The following VTI1A variants were observed in gnomAD, a reference collection of about 807,000 sequenced individuals.
VTI1A encodes vesicle transport through interaction with t-SNAREs homolog 1A.
In VTI1A, 22 loss-of-function variants were observed where a neutral mutation model predicts 34.9. That is an observed-to-expected ratio of 0.63 (90% CI 0.45 to 0.90). The LOEUF is 0.90. Among genes scored for constraint, VTI1A ranks in the 40% least tolerant of loss-of-function variants. VTI1A has a pLI of 0.00. For synonymous variants in VTI1A, 87 were observed against 97.3 expected (o/e 0.89, Z 0.62); for missense variants, 268 against 275.6 (o/e 0.97, Z 0.20).
intron 7 of VTI1A, among the ~76,000 whole-genome samples, chr10:112,773,704 G>T (rs1309009673): frequency 6.6e-6 from 1 of 152,306 alleles, no homozygotes; most frequent in South Asian, 2.1e-4. Context: ...TGCCCATCCG[G>T]TGCATCCTAA....
At chr10:112,490,206 T>C (rs1848771215) in intron 3 of VTI1A, among the ~76,000 whole-genome samples, 1 of 152,206 alleles carries the variant, frequency 6.6e-6, no homozygotes, top group Admixed American at 6.5e-5. Context: ...CTTTTTAAAA[T>C]AAATGTATTT....
Position 112,668,274 on chromosome 10 carries a change from C to T in VTI1A, c.484C>T (p.Arg162Ter), listed in dbSNP as rs531598422. Residue 162 changes from arginine to a stop codon, truncating the protein, a stop_gained, in exon 6 of 8, where the codon CGA becomes TGA. Coordinates refer to ENST00000393077, the MANE Select transcript of VTI1A (RefSeq NM_145206.4). LOFTEE classifies it high-confidence loss of function. ...TAGTCATGACAGAGAAAAGATACAG[C>T]GAGCACGTGAAAGAGTAAGTACAAT... The part of the protein sequence containing the change: ...NLSHDREKIQ[R>*]ARERLRETDA... 28 of 1,612,192 alleles carry T rather than the reference C, an allele frequency of 1.7e-5. No homozygotes were observed. Among genetic ancestry groups the T allele is most frequent in the East Asian group, 2.2e-5 (1 of 44,804 alleles).
At chr10:112,822,748 G>T (rs142366059), downstream of VTI1A, among the ~76,000 whole-genome samples, 5 of 152,170 alleles carry the variant, frequency 3.3e-5, no homozygotes, top group Non-Finnish European at 7.4e-5. Context: ...GCTTCACTGA[G>T]CTCATTATTA....
At chr10:112,491,273 T>C (rs1014933504) in intron 3 of VTI1A, among the ~76,000 whole-genome samples, 3 of 152,222 alleles carry the variant, frequency 2.0e-5, no homozygotes, top group Non-Finnish European at 4.4e-5. Context: ...TTAACAATCC[T>C]TGGAAAAGTG....
In VTI1A at chr10:112,620,422, C is replaced by T. The variant is rs180926976; in HGVS notation, c.428-47796C>T. 5.9e-5 allele frequency among the ~76,000 whole-genome samples: 9 copies of T among 152,180 alleles called. No homozygotes were observed. The South Asian group carries it at 8.3e-4, about 14-fold the overall frequency. On this transcript the variant is annotated intron_variant, in intron 5 of 7. Transcript: ENST00000393077. ...AACAGAGGTGGAAACTACTTATAGG[C>T]CTATAAGAGAGGAAGAAACAGATTC... is the stretch of plus-strand genomic sequence containing the variant.
At chr10:112,627,490 C>T (rs1456166540) in intron 5 of VTI1A, among the ~76,000 whole-genome samples, 2 of 152,038 alleles carry the variant, frequency 1.3e-5, no homozygotes. Flanking sequence ...ATAAAAGGAT[C>T]GTCCCCTTTA....
intron 5 of VTI1A, among the ~76,000 whole-genome samples, chr10:112,558,783 G>A (rs1329195513): frequency 1.3e-5 from 2 of 152,208 alleles, no homozygotes; most frequent in Non-Finnish European, 2.9e-5. Context: ...CATTGAAGCA[G>A]GCAACAAAGA....
the VTI1A span, among the ~76,000 whole-genome samples, chr10:112,843,879 C>T: frequency 6.6e-6 from 1 of 152,186 alleles, no homozygotes; most frequent in Non-Finnish European, 1.5e-5. Context: ...GAAGCCTTCC[C>T]CCACCCCATC....
chr10:112,637,942 CT>C (rs1846422614), intron 5 of VTI1A, among the ~76,000 whole-genome samples: 1 of 152,164 alleles, frequency 6.6e-6, no homozygotes. Flanking sequence ...ACACACAATG[CT>C]TTGGAATTAA....
At chr10:112,573,040 A>G (rs1199935701) in intron 5 of VTI1A, among the ~76,000 whole-genome samples, 1 of 151,650 alleles carries the variant, frequency 6.6e-6, no homozygotes, top group Non-Finnish European at 1.5e-5. Flanking sequence ...TTGTTACCCA[A>G]CTCCTGTAGT....
At chr10:112,740,985 GAATGAAGTAC>G (rs1850675345) in intron 7 of VTI1A, among the ~76,000 whole-genome samples, 1 of 152,212 alleles carries the variant, frequency 6.6e-6, no homozygotes, top group Non-Finnish European at 1.5e-5. Flanking sequence ...CCATGAACAG[GAATGAAGTAC>G]TAATCCAACA....
chr10:112,589,452 GA>G lies in VTI1A; in HGVS notation c.427+51124del, dbSNP rs1422714925. On this transcript the variant is annotated intron_variant, in intron 5 of 7. Transcript: ENST00000393077. ...ACTGTAAGTTCCACCCAGCCACATGGAACTGTAAGTCCAGTAAAGCTCTTTC... is the reference window on the plus strand; with the variant it reads ...ACTGTAAGTTCCACCCAGCCACATGGACTGTAAGTCCAGTAAAGCTCTTTC... 8.6e-5 allele frequency among the ~76,000 whole-genome samples: 13 copies of G among 151,770 alleles called. No homozygotes were observed. In the East Asian group the frequency reaches 2.3e-3, roughly 27 times the overall value.
At chr10:112,737,358 G>T in intron 7 of VTI1A, 1 of 1,026,616 alleles carries the variant, frequency 9.7e-7, no homozygotes, top group South Asian at 4.6e-5. Flanking sequence ...TTTTTAAAAG[G>T]AGGAATTTAA....
At position 112,725,383 on chromosome 10, in the gene VTI1A, A is replaced by C. The variant is rs186733583; in HGVS notation, c.560+56385A>C. Among the ~76,000 whole-genome samples, 173 of 152,324 alleles carry C rather than the reference A, an allele frequency of 1.1e-3. 1 individual carries two copies. Among genetic ancestry groups the C allele is most frequent in the African/African-American group, 3.8e-3 (157 of 41,574 alleles). ...GTACTTTCTGTAAATTAATACTTAG[A>C]TCAAATGACTTAATGAGATGCAAAT... On this transcript the variant is annotated intron_variant, in intron 7 of 7. Coordinates refer to ENST00000393077, the MANE Select transcript of VTI1A (RefSeq NM_145206.4).
intron 3 of VTI1A, among the ~76,000 whole-genome samples, chr10:112,474,166 A>G (rs1848199167): frequency 6.6e-6 from 1 of 151,554 alleles, no homozygotes; most frequent in South Asian, 2.1e-4. Flanking sequence ...GGCTCATGCC[A>G]TTCTCCTGCC....
chr10:112,760,365 G>A (rs796150986), intron 7 of VTI1A, among the ~76,000 whole-genome samples: 48 of 148,132 alleles, frequency 3.2e-4, no homozygotes, highest in African/African-American at 1.1e-3. Context: ...ATAAAAATTC[G>A]GTGAATATGG....
At chr10:112,655,643 A>C (rs1323678876) in intron 5 of VTI1A, among the ~76,000 whole-genome samples, 1 of 152,202 alleles carries the variant, frequency 6.6e-6, no homozygotes, top group Non-Finnish European at 1.5e-5. Context: ...AATCAGCCTG[A>C]CTACAACTGT....
intron 3 of VTI1A, among the ~76,000 whole-genome samples, chr10:112,499,932 C>T (rs1180445402): frequency 6.6e-6 from 1 of 152,156 alleles, no homozygotes; most frequent in Admixed American, 6.5e-5. Context: ...TAGGAACCAG[C>T]CTGAGACTTC....
chr10:112,499,745 C>G (rs1473947499), intron 3 of VTI1A, among the ~76,000 whole-genome samples: 1 of 152,316 alleles, frequency 6.6e-6, no homozygotes, highest in African/African-American at 2.4e-5. Flanking sequence ...TACACAGTTA[C>G]CCATATGAGA....
Sources: gnomAD v4.1 joint callset for allele counts (sites outside exome capture counted in the v4.1 genomes callset) on GRCh38, gnomAD v4.1.1 for gene constraint, MANE v1.5 for transcripts, NCBI Gene and HGNC (gene_info 2026-07-23, HGNC 2026-07-21) for gene names.